The following ALG9 variants were observed in gnomAD, a reference collection of about 807,000 sequenced individuals.
ALG9 encodes the protein alpha-1,2-mannosyltransferase ALG9.
A neutral mutation model predicts 81.8 loss-of-function variants in ALG9; 55 were observed. The observed-to-expected ratio is 0.67, with a 90% CI of 0.54 to 0.84. The LOEUF is 0.84. Among genes scored for constraint, ALG9 ranks in the 40% least tolerant of loss-of-function variants. The pLI, the probability that ALG9 is intolerant of heterozygous loss-of-function variation, is 0.00. For synonymous variants in ALG9, 278 were observed against 274.3 expected, an observed-to-expected ratio of 1.01 and a Z score of -0.13; for missense variants, 629 against 745.0, an observed-to-expected ratio of 0.84 and a Z score of 1.81.
intron 9 of ALG9, among the ~76,000 whole-genome samples, chr11:111,843,568 AG>A (rs1400040013): frequency 1.3e-5 from 2 of 152,190 alleles, no homozygotes; most frequent in Non-Finnish European, 2.9e-5. Context: ...AGCAGAATGG[AG>A]GTGGGATGGG....
chr11:111,790,158 C>A (rs782157978), intron 14 of ALG9, among the ~76,000 whole-genome samples: 19 of 152,046 alleles, frequency 1.2e-4, no homozygotes, highest in Admixed American at 2.6e-4. Flanking sequence ...ATGGTGAAAC[C>A]CTGTCTCTAC....
At chr11:111,842,025 T>C (rs1009328212) in intron 9 of ALG9, among the ~76,000 whole-genome samples, 5 of 152,150 alleles carry the variant, frequency 3.3e-5, no homozygotes, top group East Asian at 1.9e-4. Context: ...GCCTCCTTAG[T>C]AGCTGGGATT....
intron 10 of ALG9, among the ~76,000 whole-genome samples, chr11:111,839,609 G>T (rs1194702637): frequency 7.6e-6 from 1 of 131,002 alleles, no homozygotes; most frequent in African/African-American, 2.8e-5. Context: ...AAAGGGGGGG[G>T]GGGATATAAA....
chr11:111,794,958 T>C (rs1948022979), intron 14 of ALG9, among the ~76,000 whole-genome samples: 1 of 152,172 alleles, frequency 6.6e-6, no homozygotes, highest in Admixed American at 6.5e-5. Context: ...AAAAAGCTGG[T>C]ATGGAGCAAA....
At chr11:111,856,815 A>G (rs562228908) in intron 6 of ALG9, among the ~76,000 whole-genome samples, 123 of 152,252 alleles carry the variant, frequency 8.1e-4, no homozygotes, top group Non-Finnish European at 1.1e-3. Flanking sequence ...GCAAGAAAGA[A>G]GGAAGACTGG....
chr11:111,837,750 T>C, intron 11 of ALG9, 135 bp from the exon 12 acceptor site: 1 of 983,128 alleles, frequency 1.0e-6, no homozygotes, highest in Non-Finnish European at 1.6e-6. Flanking sequence ...CATTCCAGCA[T>C]GAAGCCTGCT....
At chr11:111,863,484 G>C (rs1349241907) in intron 4 of ALG9, among the ~76,000 whole-genome samples, 1 of 152,034 alleles carries the variant, frequency 6.6e-6, no homozygotes, top group African/African-American at 2.4e-5. Context: ...ATCCTCAAAG[G>C]CAGCACTAGC....
In ALG9 at chr11:111,783,519, A is replaced by G. The variant is rs898731110; in HGVS notation, c.*2878T>C. 7 of 152,146 alleles carry G rather than the reference A, an allele frequency of 4.6e-5. No homozygotes were observed. The highest frequency in any genetic ancestry group is 1.0e-4 in the Non-Finnish European group (7 of 68,050). The allele number at this position is 152,146 out of a possible 1,614,324, so 9.4% of individuals were successfully genotyped here. ...TCTATACTCCACAATCTATGGAGAA[A>G]TAAGTATCTTGCATGCTTCCTCCTT... is the stretch of plus-strand genomic sequence containing the variant. On this transcript the variant is annotated 3_prime_UTR_variant, in exon 15 of 15. Coordinates refer to ENST00000616540, the MANE Select transcript of ALG9 (RefSeq NM_024740.2).
At chr11:111,825,099 T>G (rs1489404398) in intron 13 of ALG9, among the ~76,000 whole-genome samples, 1 of 152,220 alleles carries the variant, frequency 6.6e-6, no homozygotes, top group Non-Finnish European at 1.5e-5. Flanking sequence ...GCTTGTAACC[T>G]GGTACTCTTA....
At chr11:111,838,471 CA>C in intron 10 of ALG9, 72 bp from the exon 11 acceptor site, 3 of 1,372,088 alleles carry the variant, frequency 2.2e-6, no homozygotes, top group African/African-American at 1.5e-5. Context: ...AGAGCGAAGC[CA>C]AAAAAGAGGT....
Position 111,860,607 on chromosome 11 carries a change from C to T in ALG9, c.505G>A (p.Val169Met), listed in dbSNP as rs782744820. 5 of 1,613,874 alleles carry T rather than the reference C, an allele frequency of 3.1e-6. No individual in the cohort carries two copies. Among genetic ancestry groups the T allele is most frequent in the Admixed American group, 1.7e-5 (1 of 59,980 alleles). Residue 169 changes from valine (V) to methionine (M), a missense_variant, in exon 5 of 15, where the codon GTG (valine) becomes ATG (methionine). This residue lies in a region of ALG9 where 344 missense variants were observed against 390.5 expected (regional missense o/e 0.88). Transcript: ENST00000616540. ...KAVCKKFGLH[V>M]SRMMLAFLVL... ...AAGAAGGCTAGCATCATTCGACTCA[C>T]GTGCAACCCAAACTTCTTGCACACA...
intron 6 of ALG9, among the ~76,000 whole-genome samples, chr11:111,854,179 C>T (rs1958296724): frequency 1.3e-5 from 2 of 150,628 alleles, no homozygotes; most frequent in South Asian, 4.2e-4. Flanking sequence ...CTCACTACCG[C>T]CTCCATCTCC....
intron 14 of ALG9, among the ~76,000 whole-genome samples, chr11:111,791,099 A>G (rs1947335550): frequency 6.6e-6 from 1 of 152,244 alleles, no homozygotes. Flanking sequence ...CAGTAGACAA[A>G]TTTTTAAATA....
chr11:111,831,293 G>A (rs575508235), intron 13 of ALG9, among the ~76,000 whole-genome samples: 13 of 152,148 alleles, frequency 8.5e-5, no homozygotes, highest in African/African-American at 1.4e-4. Flanking sequence ...CTCCCACCTC[G>A]GCCTCCCAAA....
intron 6 of ALG9, among the ~76,000 whole-genome samples, chr11:111,856,876 G>A (rs1393580885): frequency 1.3e-5 from 2 of 152,156 alleles, no homozygotes; most frequent in African/African-American, 4.8e-5. Flanking sequence ...TGAGGCCAAG[G>A]TGAGCGGATC....
rs542955737 is a variant in ALG9 at position 111,827,383 on chromosome 11, G to A, written c.1602+8782C>T. Among the ~76,000 whole-genome samples, 10 of 152,100 alleles carry A rather than the reference G, an allele frequency of 6.6e-5. 1 individual carries two copies. The South Asian group carries it at 1.5e-3, about 22-fold the overall frequency. ...CCCAGCTCCTTGGAAGGCTGAGGCA[G>A]GAGAATCACTTGAACCCGGTAGTGG... On this transcript the variant is annotated intron_variant, in intron 13 of 14. Coordinates refer to ENST00000616540, the MANE Select transcript of ALG9 (RefSeq NM_024740.2).
At chr11:111,858,298 C>T (rs1959036839) in intron 5 of ALG9, among the ~76,000 whole-genome samples, 1 of 152,104 alleles carries the variant, frequency 6.6e-6, no homozygotes, top group South Asian at 2.1e-4. Context: ...ATTCCTCTCC[C>T]AGCCTACACC....
At chr11:111,802,668 A>G (rs1328244480) in intron 14 of ALG9, among the ~76,000 whole-genome samples, 1 of 152,208 alleles carries the variant, frequency 6.6e-6, no homozygotes, top group South Asian at 2.1e-4. Context: ...ATACTGCAAT[A>G]AAGTTTAAAA....
intron 14 of ALG9, among the ~76,000 whole-genome samples, chr11:111,808,646 G>A (rs1312551019): frequency 6.6e-6 from 1 of 152,086 alleles, no homozygotes; most frequent in Non-Finnish European, 1.5e-5. Context: ...GTCCTGTCCT[G>A]GGCCTGGGCC....
Sources: gnomAD v4.1 joint callset for allele counts (sites outside exome capture counted in the v4.1 genomes callset) on GRCh38, gnomAD v4.1.1 for gene constraint, gnomAD v4.1.1 regional missense constraint, MANE v1.5 for transcripts, NCBI Gene and HGNC (gene_info 2026-07-23, HGNC 2026-07-21) for gene names.